The following ROCK1 variants were observed in gnomAD, a reference collection of about 807,000 sequenced individuals.
ROCK1 encodes Rho associated coiled-coil containing protein kinase 1, also known as rho-associated protein kinase 1.
ROCK1 carries 36 observed loss-of-function variants against 196.8 expected under a neutral mutation model. The ratio of observed to expected loss-of-function variants is 0.18; its 90% CI spans 0.14 to 0.24. The LOEUF (loss-of-function observed/expected upper bound fraction) is 0.24, where lower values mean the gene tolerates loss of function less well. Ranked by LOEUF, ROCK1 falls within the 10% of genes least tolerant of loss-of-function variation. The pLI, the probability that ROCK1 is intolerant of heterozygous loss-of-function variation, is 1.00. For synonymous variants in ROCK1, 443 were observed against 515.9 expected (o/e 0.86, Z 1.91); for missense variants, 920 against 1,562.0 (o/e 0.59, Z 6.93).
intron 1 of ROCK1, among the ~76,000 whole-genome samples, chr18:21,096,189 T>C (rs1433763304): frequency 2.6e-5 from 4 of 152,206 alleles, no homozygotes; most frequent in African/African-American, 7.2e-5. Flanking sequence ...TTTAAAATTA[T>C]TTTTTGTCTA....
intron 1 of ROCK1, among the ~76,000 whole-genome samples, chr18:21,100,828 C>A (rs1449786849): frequency 6.6e-6 from 1 of 152,162 alleles, no homozygotes; most frequent in Non-Finnish European, 1.5e-5. Flanking sequence ...CCCCATCAGA[C>A]AGACCTCTTC....
At chr18:21,019,410 C>T (rs1229662909) in intron 12 of ROCK1, among the ~76,000 whole-genome samples, 3 of 152,116 alleles carry the variant, frequency 2.0e-5, no homozygotes, top group Non-Finnish European at 2.9e-5. Context: ...CATGTGCAGC[C>T]TAATTTGCCC....
Position 21,059,007 on chromosome 18 carries a change from A to G in ROCK1, c.176-9127T>C, listed in dbSNP as rs117888398. Among the ~76,000 whole-genome samples the G allele has an allele frequency of 3.1e-3, 476 of 152,324 alleles. 2 individuals carry two copies. Among genetic ancestry groups the G allele is most frequent in the Non-Finnish European group, 4.8e-3 (328 of 68,032 alleles). On this transcript the variant is annotated intron_variant, in intron 2 of 32. Transcript: ENST00000399799. Reference sequence around the variant, plus strand: ...CACCCACCCACATACACACAGAGTAATCCAGTTTGATAAACAGATCAACAA... The same window carrying G: ...CACCCACCCACATACACACAGAGTAGTCCAGTTTGATAAACAGATCAACAA...
chr18:20,976,842 T>C (rs2035485543), intron 22 of ROCK1, among the ~76,000 whole-genome samples: 1 of 152,054 alleles, frequency 6.6e-6, no homozygotes, highest in Non-Finnish European at 1.5e-5. Flanking sequence ...TCTTCTCTCC[T>C]CTCATCTCAC....
rs1413272513 is a variant in ROCK1 at position 20,949,453 on chromosome 18, G to C, written c.*1931C>G. The C allele has an allele frequency of 6.6e-6, 1 of 152,496 alleles. No homozygotes were observed. The highest frequency in any genetic ancestry group is 1.5e-5 in the Non-Finnish European group (1 of 68,214). The allele number at this position is 152,496 out of a possible 1,614,324, so 9.4% of individuals were successfully genotyped here. ...CATGTGGGCAATGCAGAGTGGCCCA[G>C]GTGGGTGCTGAGCACACAGTGGGTT... is the stretch of plus-strand genomic sequence containing the variant. On this transcript the variant is annotated 3_prime_UTR_variant, in exon 33 of 33. Transcript: ENST00000399799.
intron 1 of ROCK1, among the ~76,000 whole-genome samples, chr18:21,071,926 T>G (rs1236924191): frequency 2.0e-5 from 3 of 152,208 alleles, no homozygotes; most frequent in Non-Finnish European, 4.4e-5. Context: ...TGAGTTAACA[T>G]GTGAAGTGTC....
chr18:20,962,073 A>G (rs562739977), intron 27 of ROCK1, among the ~76,000 whole-genome samples: 1 of 152,216 alleles, frequency 6.6e-6, no homozygotes, highest in African/African-American at 2.4e-5. Flanking sequence ...TACTTGACAG[A>G]TATTTGTTGA....
At chr18:20,990,247 G>A (rs1262486897) in intron 18 of ROCK1, among the ~76,000 whole-genome samples, 1 of 152,054 alleles carries the variant, frequency 6.6e-6, no homozygotes, top group African/African-American at 2.4e-5. Context: ...AAAACTGAGG[G>A]TACAAAGCAA....
chr18:20,999,686 T>C (rs1355146662), intron 16 of ROCK1, among the ~76,000 whole-genome samples: 6 of 152,206 alleles, frequency 3.9e-5, no homozygotes, highest in East Asian at 1.9e-4. Flanking sequence ...TCCTTGTTCA[T>C]GGATTGGAAG....
intron 27 of ROCK1, among the ~76,000 whole-genome samples, chr18:20,963,852 T>C (rs2035349082): frequency 6.6e-6 from 1 of 152,096 alleles, no homozygotes; most frequent in Admixed American, 6.6e-5. Flanking sequence ...AAAGAGAAGA[T>C]AAAGACATAA....
chr18:21,047,301 G>A (rs2036168802), intron 4 of ROCK1, among the ~76,000 whole-genome samples: 1 of 152,116 alleles, frequency 6.6e-6, no homozygotes, highest in South Asian at 2.1e-4. Context: ...TGTGTGAGGT[G>A]GGAAGAGTCA....
chr18:21,022,915 G>A (rs1480689951), intron 11 of ROCK1, among the ~76,000 whole-genome samples: 4 of 151,996 alleles, frequency 2.6e-5, no homozygotes, highest in African/African-American at 9.7e-5. Flanking sequence ...CCTTAAACAC[G>A]AAGGAAATTT....
intron 16 of ROCK1, among the ~76,000 whole-genome samples, chr18:21,002,590 A>G (rs71354296): frequency 0.03 from 4,537 of 152,292 alleles, 93 homozygotes; most frequent in Non-Finnish European, 0.045. Flanking sequence ...TCATCTCTAG[A>G]GTAGTATTCC....
chr18:20,968,432 G>A (rs1273904570), intron 25 of ROCK1: 4 of 197,542 alleles, frequency 2.0e-5, no homozygotes, highest in African/African-American at 7.0e-5. Flanking sequence ...TCAGCCACCT[G>A]ACTAGCTGGT....
rs942018868 is a variant in ROCK1, at chr18:21,023,633, G to C, written c.1259C>G (p.Ala420Gly). The C allele has an allele frequency of 2.6e-6, 4 of 1,559,652 alleles. No individual in the cohort carries two copies. The African/African-American group carries it at 5.5e-5, about 21-fold the overall frequency. ...GAAAATACCTACCAAGCTTTTATCT[G>C]CATTGGAGCTAGTTCTGTTATCATT... ...NPNDNRTSSN[A>G]DKSLQESLQK... The change falls in exon 11 of 33, where the codon GCA (alanine) becomes GGA (glycine). Residue 420 changes from alanine (A) to glycine (G), a missense_variant. By Grantham distance (60) the Ala-to-Gly change is moderately conservative. Around this residue, in one of 6 missense-constraint regions of ROCK1, gnomAD observed 520 missense variants for 657.1 expected, o/e 0.79. Transcript: ENST00000399799.
chr18:20,952,081 C>T (rs544748897), intron 32 of ROCK1, among the ~76,000 whole-genome samples: 1 of 152,278 alleles, frequency 6.6e-6, no homozygotes, highest in East Asian at 1.9e-4. Context: ...TTCATTATTT[C>T]TCTCCAAGAA....
intron 2 of ROCK1, among the ~76,000 whole-genome samples, chr18:21,062,528 T>C (rs892017259): frequency 6.6e-5 from 10 of 152,110 alleles, no homozygotes; most frequent in South Asian, 4.1e-4. Flanking sequence ...TTATATTATA[T>C]AAATCAATGA....
chr18:21,024,717 G>A (rs2035942056), intron 10 of ROCK1, among the ~76,000 whole-genome samples: 1 of 152,108 alleles, frequency 6.6e-6, no homozygotes, highest in African/African-American at 2.4e-5. Flanking sequence ...ACAGTACAAT[G>A]GTACTATAAA....
At chr18:21,077,129 G>A (rs1299774049) in intron 1 of ROCK1, among the ~76,000 whole-genome samples, 2 of 151,332 alleles carry the variant, frequency 1.3e-5, no homozygotes, top group African/African-American at 2.4e-5. Flanking sequence ...GCCCACCACC[G>A]CGCCCGGCTA....
Sources: gnomAD v4.1 joint callset for allele counts (sites outside exome capture counted in the v4.1 genomes callset) on GRCh38, gnomAD v4.1.1 for gene constraint, gnomAD v4.1.1 regional missense constraint, MANE v1.5 for transcripts, NCBI Gene and HGNC (gene_info 2026-07-23, HGNC 2026-07-21) for gene names.